Variants in PPTC7 observed in about 807,000 individuals in gnomAD.
PPTC7 encodes the protein protein phosphatase PTC7 homolog.
PPTC7 carries 6 observed loss-of-function variants against 30.8 expected under a neutral mutation model. The ratio of observed to expected loss-of-function variants is 0.19; its 90% confidence interval spans 0.11 to 0.38. The LOEUF (loss-of-function observed/expected upper bound fraction) is 0.38, where lower values mean the gene tolerates loss of function less well. Among genes scored for constraint, PPTC7 ranks in the 10% least tolerant of loss-of-function variants. PPTC7 has a pLI of 1.00. For missense variants in PPTC7, 218 were observed against 404.8 expected (o/e 0.54, Z 3.96); for synonymous variants, 163 against 168.1 (o/e 0.97, Z 0.23).
At chr12:110,549,309 G>A (rs1565919155) in intron 2 of PPTC7, among the ~76,000 whole-genome samples, 4 of 152,040 alleles carry the variant, frequency 2.6e-5, no homozygotes, top group Admixed American at 2.0e-4. Flanking sequence ...GAAATAAGTG[G>A]TTACAGCTAC....
chr12:110,560,851 C>T (rs375723147), intron 1 of PPTC7, among the ~76,000 whole-genome samples: 35 of 152,310 alleles, frequency 2.3e-4, no homozygotes, highest in African/African-American at 8.2e-4. Flanking sequence ...CTCAAGGCAT[C>T]TTACATCAAG....
At chr12:110,537,979 G>T (rs777565056) in intron 5 of PPTC7, among the ~76,000 whole-genome samples, 165 bp downstream of exon 5, 1 of 152,158 alleles carries the variant, frequency 6.6e-6, no homozygotes, top group Non-Finnish European at 1.5e-5. Flanking sequence ...AAGACATGAC[G>T]AAATGCACTT....
intron 1 of PPTC7, among the ~76,000 whole-genome samples, chr12:110,575,622 A>AG (rs1283977410): frequency 2.7e-5 from 4 of 148,764 alleles, no homozygotes; most frequent in Non-Finnish European, 5.9e-5. Context: ...AAAAAAAAAA[A>AG]AAAAAAAAAA....
In PPTC7 at chr12:110,538,351, G is replaced by A. The variant is rs972325988; in HGVS notation, c.727-78C>T. The A allele has an allele frequency of 5.7e-6, 8 of 1,400,648 alleles. No individual in the cohort carries two copies. In the African/African-American group the frequency reaches 1.0e-4, roughly 17 times the overall value. 86.8% of individuals were successfully genotyped at this position (1,400,648 alleles called of 1,614,324 possible). A position where few individuals can be genotyped will look rare whatever the true frequency, so the allele number is the denominator to read the frequency against. On this transcript the variant is annotated intron_variant, in intron 4 of 5. Coordinates refer to ENST00000354300, the MANE Select transcript of PPTC7 (RefSeq NM_139283.2). ...TTTATCTAACCACCTTTTCCATCAT[G>A]TAAGTTTTATTCTAGTTAGAAAAGA... is the stretch of plus-strand genomic sequence containing the variant.
chr12:110,552,867 A>AAAAC (rs369111979), intron 1 of PPTC7, among the ~76,000 whole-genome samples: 17 of 152,098 alleles, frequency 1.1e-4, no homozygotes, highest in South Asian at 2.1e-4. Flanking sequence ...CCGTCTCAAA[A>AAAAC]AAACAAACAA....
At chr12:110,542,694 A>G (rs55990519) in intron 3 of PPTC7, among the ~76,000 whole-genome samples, 16,954 of 146,696 alleles carry the variant, frequency 0.12, 1,430 homozygotes, top group African/African-American at 0.22. Flanking sequence ...AAAAAAAAAA[A>G]AAAAAGAAAA....
chr12:110,583,298 G>C lies in PPTC7; in HGVS notation c.-267C>G. 5.9e-6 allele frequency: 1 copy of C among 170,782 alleles called. No homozygotes were observed. Among genetic ancestry groups the C allele is most frequent in the Non-Finnish European group, 1.2e-5 (1 of 81,024 alleles). The allele number at this position is 170,782 out of a possible 1,614,324, so 10.6% of individuals were successfully genotyped here. ...GGCTGCAGCGGCCGCCGCCGCCGCC[G>C]CCATCTTCCGCTCCACTAGCGTGTT... On this transcript the variant is annotated 5_prime_UTR_variant, in exon 1 of 6. Transcript: ENST00000354300.
At chr12:110,545,835 T>G in intron 3 of PPTC7, 45 bp downstream of exon 3, 7 of 1,582,496 alleles carry the variant, frequency 4.4e-6, no homozygotes, top group Non-Finnish European at 6.1e-6. Context: ...GGACTATGAA[T>G]GAGCCACGTC....
intron 2 of PPTC7, among the ~76,000 whole-genome samples, chr12:110,551,025 TTC>T (rs1246550543): frequency 6.6e-6 from 1 of 152,254 alleles, no homozygotes; most frequent in Admixed American, 6.5e-5. Flanking sequence ...TTCTGCAATG[TTC>T]TCTCTTCCCT....
intron 2 of PPTC7, 48 bp downstream of exon 2, chr12:110,551,741 C>T: frequency 6.6e-7 from 1 of 1,505,218 alleles, no homozygotes; most frequent in Non-Finnish European, 9.0e-7. Flanking sequence ...TTGTTTTTAA[C>T]TATCTAGGGG....
At chr12:110,581,297 C>A (rs2064635146) in intron 1 of PPTC7, among the ~76,000 whole-genome samples, 1 of 151,956 alleles carries the variant, frequency 6.6e-6, no homozygotes, top group Admixed American at 6.6e-5. Flanking sequence ...GCCTATAATC[C>A]CAGCTACTCG....
At chr12:110,561,976 G>GTT (rs529389961) in intron 1 of PPTC7, among the ~76,000 whole-genome samples, 200 of 152,100 alleles carry the variant, frequency 1.3e-3, no homozygotes, top group African/African-American at 4.6e-3. Flanking sequence ...ACACTCCCCT[G>GTT]TGATTCAAGA....
chr12:110,559,681 G>A (rs1213191701), intron 1 of PPTC7, among the ~76,000 whole-genome samples: 2 of 146,362 alleles, frequency 1.4e-5, no homozygotes, highest in Admixed American at 7.0e-5. Context: ...AGCCAAGATT[G>A]CATCACTGCA....
chr12:110,549,765 G>A lies in PPTC7; in HGVS notation c.403+2024C>T, dbSNP rs117764223. The stretch of plus-strand genomic sequence containing the variant: ...TAAAGTGTAAAATCAGGATGGTTAC[G>A]TGTTTTGTAACCAGTTATCTCAAGT... On this transcript the variant is annotated intron_variant, in intron 2 of 5. Coordinates refer to ENST00000354300, the MANE Select transcript of PPTC7 (RefSeq NM_139283.2). 7.0e-3 allele frequency among the ~76,000 whole-genome samples: 1,068 copies of A among 152,260 alleles called. 2 individuals carry two copies. Among genetic ancestry groups the A allele is most frequent in the Non-Finnish European group, 9.6e-3 (651 of 68,018 alleles).
At chr12:110,566,890 A>G (rs2064488584) in intron 1 of PPTC7, among the ~76,000 whole-genome samples, 1 of 152,210 alleles carries the variant, frequency 6.6e-6, no homozygotes, top group Admixed American at 6.5e-5. Flanking sequence ...AACAAGGAAA[A>G]AAGGATTTAC....
intron 1 of PPTC7, among the ~76,000 whole-genome samples, chr12:110,567,399 A>G (rs2064494133): frequency 6.6e-6 from 1 of 152,210 alleles, no homozygotes; most frequent in East Asian, 1.9e-4. Context: ...TCTTGTACCA[A>G]GCAATCCCAT....
At chr12:110,571,618 C>G (rs918097371) in intron 1 of PPTC7, among the ~76,000 whole-genome samples, 1 of 152,188 alleles carries the variant, frequency 6.6e-6, no homozygotes, top group Non-Finnish European at 1.5e-5. Flanking sequence ...TATTGCTGCT[C>G]ACCTCTAACT....
chr12:110,546,214 C>T (rs2064304731), intron 2 of PPTC7, 136 bp from the exon 3 acceptor site: 1 of 657,246 alleles, frequency 1.5e-6, no homozygotes, highest in East Asian at 2.7e-5. Context: ...CTTAGTTATG[C>T]TCCACATCCT....
intron 1 of PPTC7, among the ~76,000 whole-genome samples, chr12:110,558,458 T>G (rs73191844): frequency 0.1 from 15,821 of 152,322 alleles, 1,172 homozygotes; most frequent in Non-Finnish European, 0.16. Context: ...AATCATCTTA[T>G]GTCTCCATTA....
Sources: gnomAD v4.1 joint callset for allele counts (sites outside exome capture counted in the v4.1 genomes callset) on GRCh38, gnomAD v4.1.1 for gene constraint, MANE v1.5 for transcripts, NCBI Gene and HGNC (gene_info 2026-07-23, HGNC 2026-07-21) for gene names.